Variants in SNX29 observed in about 807,000 individuals in gnomAD.
The protein encoded by SNX29 is sorting nexin 29.
Under a neutral mutation model 102.1 loss-of-function variants are expected in SNX29, and 78 were observed. The observed-to-expected ratio is 0.76, with a 90% CI of 0.64 to 0.92. The LOEUF (loss-of-function observed/expected upper bound fraction) is 0.92, where lower values mean the gene tolerates loss of function less well. SNX29 is among the 40% of genes least tolerant of loss of function. The pLI, the probability that SNX29 is intolerant of heterozygous loss-of-function variation, is 0.00. For missense variants in SNX29, 1,280 were observed against 1,061.7 expected (o/e 1.21, Z -2.86); for synonymous variants, 580 against 414.5 (o/e 1.40, Z -4.85).
At chr16:12,086,407 C>T (rs922646997) in intron 11 of SNX29, among the ~76,000 whole-genome samples, 2 of 152,076 alleles carry the variant, frequency 1.3e-5, no homozygotes, top group African/African-American at 2.4e-5. Context: ...GGTCTGAGAG[C>T]CTTAAGCTTA....
At chr16:12,153,396 G>A (rs2055383000) in intron 13 of SNX29, among the ~76,000 whole-genome samples, 1 of 151,952 alleles carries the variant, frequency 6.6e-6, no homozygotes, top group Non-Finnish European at 1.5e-5. Flanking sequence ...TGTACAGTCT[G>A]GAGGCCCCTG....
chr16:12,259,225 T>C (rs2078661841), intron 14 of SNX29, among the ~76,000 whole-genome samples: 1 of 152,150 alleles, frequency 6.6e-6, no homozygotes, highest in Non-Finnish European at 1.5e-5. Context: ...AAGGTCTCCT[T>C]CTCAACGTGG....
chr16:12,351,063 C>G (rs974712547), intron 15 of SNX29, among the ~76,000 whole-genome samples: 3 of 152,238 alleles, frequency 2.0e-5, no homozygotes, highest in Non-Finnish European at 4.4e-5. Flanking sequence ...AATCCCCACT[C>G]TGTCACTTCC....
chr16:12,547,845 A>G (rs544608394), intron 20 of SNX29, among the ~76,000 whole-genome samples: 5 of 152,162 alleles, frequency 3.3e-5, no homozygotes, highest in African/African-American at 1.2e-4. Flanking sequence ...CAGATTCCAA[A>G]CTGGAGTTTA....
rs1199911670 is a variant in SNX29 at position 12,362,553 on chromosome 16, T to TCCCCCCCCCCC, written c.1899+6282_1899+6283insCCCCCCCCCCC. ...TGCAGAAGGATTTTGGCTGCTGCAC[T>TCCCCCCCCCCC]CCCCCCCCACCCCCCCCCCCACCAG... is the stretch of plus-strand genomic sequence containing the variant. On this transcript the variant is annotated intron_variant, in intron 16 of 20. Transcript: ENST00000566228. 9.0e-4 allele frequency among the ~76,000 whole-genome samples: 10 copies of TCCCCCCCCCCC among 11,060 alleles called. 1 individual carries two copies. The highest frequency in any genetic ancestry group is 2.9e-3 in the South Asian group (1 of 342). 7.3% of individuals were successfully genotyped at this position (11,060 alleles called of 152,430 possible).
At chr16:12,333,254 T>C (rs1284796006) in intron 15 of SNX29, among the ~76,000 whole-genome samples, 1 of 151,852 alleles carries the variant, frequency 6.6e-6, no homozygotes. Context: ...TACAGGTGCG[T>C]GCCACCATGC....
rs1231858303 is a variant in SNX29 at position 12,570,739 on chromosome 16, C to CA, written c.*2111dup. The CA allele has an allele frequency of 8.6e-6, 2 of 232,178 alleles. No individual in the cohort carries two copies. Among genetic ancestry groups the CA allele is most frequent in the African/African-American group, 4.4e-5 (2 of 45,186 alleles). The allele number at this position is 232,178 out of a possible 1,614,324, so 14.4% of individuals were successfully genotyped here. On this transcript the variant is annotated 3_prime_UTR_variant, in exon 21 of 21. Transcript: ENST00000566228. ...TGAATTGGTCTCTCTCCAGATACCC[C>CA]ACGAGGAAGCACCTTGGACATTCTG...
At position 12,570,272 on chromosome 16, in the gene SNX29, A is replaced by G; in HGVS notation, c.*1643A>G. 1.9e-6 allele frequency: 2 copies of G among 1,064,906 alleles called. No homozygotes were observed. Among genetic ancestry groups the G allele is most frequent in the Non-Finnish European group, 2.3e-6 (2 of 879,038 alleles). 66.0% of individuals were successfully genotyped at this position (1,064,906 alleles called of 1,614,324 possible). A position where few individuals can be genotyped will look rare whatever the true frequency, so the allele number is the denominator to read the frequency against. On this transcript the variant is annotated 3_prime_UTR_variant, in exon 21 of 21. Coordinates refer to ENST00000566228, the MANE Select transcript of SNX29 (RefSeq NM_032167.5). ...AGCTGGAGCATGTATGGAGGTGCGG[A>G]CCCTGCAGTCAGTTTGCGAGTGTGG...
intron 15 of SNX29, among the ~76,000 whole-genome samples, chr16:12,343,596 G>C (rs1278308881): frequency 6.6e-6 from 1 of 152,162 alleles, no homozygotes; most frequent in East Asian, 1.9e-4. Flanking sequence ...GCCCTAGGAC[G>C]GGTAGCTGCC....
chr16:12,030,605 C>T (rs1384147999), intron 4 of SNX29, among the ~76,000 whole-genome samples: 2 of 152,184 alleles, frequency 1.3e-5, no homozygotes, highest in East Asian at 3.8e-4. Flanking sequence ...CTTGTGTTTT[C>T]CTGCCTTCAG....
chr16:12,146,764 C>T (rs1382788037), intron 13 of SNX29, among the ~76,000 whole-genome samples: 1 of 152,014 alleles, frequency 6.6e-6, no homozygotes, highest in Non-Finnish European at 1.5e-5. Flanking sequence ...ATGTGGGACT[C>T]CCAAAGGTGG....
intron 17 of SNX29, among the ~76,000 whole-genome samples, chr16:12,399,731 G>A (rs778351954): frequency 3.9e-5 from 6 of 152,158 alleles, no homozygotes; most frequent in South Asian, 2.1e-4. Flanking sequence ...TGCTGGGGTC[G>A]GGGGTGGCGG....
At chr16:12,488,371 C>G (rs2088357817) in intron 19 of SNX29, among the ~76,000 whole-genome samples, 1 of 152,112 alleles carries the variant, frequency 6.6e-6, no homozygotes. Flanking sequence ...ATGAGCCGCC[C>G]TTCCCTGGGT....
intron 1 of SNX29, among the ~76,000 whole-genome samples, chr16:11,987,826 CT>C (rs770008071): frequency 7.9e-5 from 12 of 152,200 alleles, no homozygotes; most frequent in African/African-American, 2.7e-4. Flanking sequence ...CTCATTTCCC[CT>C]GTTCCTTTTT....
At chr16:12,336,022 C>T (rs953584540) in intron 15 of SNX29, among the ~76,000 whole-genome samples, 13 of 152,096 alleles carry the variant, frequency 8.5e-5, no homozygotes, top group African/African-American at 2.9e-4. Context: ...TTTGTGACAA[C>T]GGCCCAGCAC....
Position 12,276,828 on chromosome 16 carries a change from G to A in SNX29, c.1679-1105G>A, listed in dbSNP as rs148086838. ...ATATATGGGCATATACATAATCATG[G>A]AAACACTACTCAGAGCCGTTTGTGT... On this transcript the variant is annotated intron_variant, in intron 14 of 20. Coordinates refer to ENST00000566228, the MANE Select transcript of SNX29 (RefSeq NM_032167.5). 1.2e-4 allele frequency among the ~76,000 whole-genome samples: 19 copies of A among 152,206 alleles called. 1 individual carries two copies. The Middle Eastern group carries it at 0.01, about 82-fold the overall frequency.
intron 16 of SNX29, among the ~76,000 whole-genome samples, chr16:12,365,207 C>G (rs1439533123): frequency 6.6e-6 from 1 of 152,116 alleles, no homozygotes; most frequent in Non-Finnish European, 1.5e-5. Flanking sequence ...GCACAGCACT[C>G]TGGATGGTTT....
intron 3 of SNX29, among the ~76,000 whole-genome samples, chr16:12,014,941 AT>A (rs1184432478): frequency 6.6e-6 from 1 of 151,738 alleles, no homozygotes; most frequent in East Asian, 1.9e-4. Flanking sequence ...CAAAGCATGA[AT>A]TTTTTTCTTT....
At chr16:12,475,542 G>C (rs758607056) in intron 18 of SNX29, among the ~76,000 whole-genome samples, 2 of 152,114 alleles carry the variant, frequency 1.3e-5, no homozygotes, top group African/African-American at 4.8e-5. Flanking sequence ...TGAAAATATC[G>C]TAAGTTGAAA....
Sources: allele counts gnomAD v4.1 joint callset (sites outside exome capture counted in the v4.1 genomes callset), GRCh38; gene constraint gnomAD v4.1.1; transcripts MANE v1.5; gene names NCBI Gene and HGNC (gene_info 2026-07-23, HGNC 2026-07-21).